The following CHST9 variants were observed in gnomAD, a reference collection of about 807,000 sequenced individuals.
The protein encoded by CHST9 is carbohydrate sulfotransferase 9, also known as GalNAc-4-sulfotransferase 2.
CHST9 carries 41 observed loss-of-function variants against 44.4 expected under a neutral mutation model. The observed-to-expected ratio is 0.92, with a 90% CI of 0.72 to 1.20. The LOEUF (loss-of-function observed/expected upper bound fraction) is 1.20, where lower values mean the gene tolerates loss of function less well. Among genes scored for constraint, CHST9 ranks in the 50% most tolerant of loss-of-function variants. The pLI is 0.00. For missense variants in CHST9, 504 were observed against 516.5 expected (o/e 0.98, Z 0.23); for synonymous variants, 171 against 178.4 (o/e 0.96, Z 0.33).
chr18:27,115,014 G>A lies in CHST9; in HGVS notation c.121+27675C>T, dbSNP rs138730902. On this transcript the variant is annotated intron_variant, in intron 2 of 5. Coordinates refer to ENST00000618847, the MANE Select transcript of CHST9 (RefSeq NM_031422.6). ...CTGTTCTCATGATAGTGAGTCTTAC[G>A]AGATCAGAAGTTTTGTAAGTGCCTG... Among the ~76,000 whole-genome samples, 485 of 152,178 alleles carry A rather than the reference G, an allele frequency of 3.2e-3. 11 individuals carry two copies. Among genetic ancestry groups the A allele is most frequent in the Admixed American group, 0.023 (350 of 15,296 alleles).
At chr18:26,989,480 G>T (rs933607207) in intron 4 of CHST9, among the ~76,000 whole-genome samples, 7 of 152,206 alleles carry the variant, frequency 4.6e-5, no homozygotes, top group African/African-American at 1.7e-4. Context: ...ATTCTTGATG[G>T]TAACATGAAA....
At chr18:27,174,963 G>T (rs2058857461) in intron 1 of CHST9, among the ~76,000 whole-genome samples, 2 of 151,958 alleles carry the variant, frequency 1.3e-5, no homozygotes, top group South Asian at 2.1e-4. Flanking sequence ...AAGCAAGAAG[G>T]CTTTAAATAA....
chr18:26,926,028 T>G (rs894623642), intron 5 of CHST9, among the ~76,000 whole-genome samples: 1 of 152,056 alleles, frequency 6.6e-6, no homozygotes, highest in East Asian at 1.9e-4. Context: ...AAGATAAAAT[T>G]AAGTGGAGGC....
chr18:27,118,976 T>G (rs1343732561), intron 2 of CHST9, among the ~76,000 whole-genome samples: 1 of 152,268 alleles, frequency 6.6e-6, no homozygotes, highest in Non-Finnish European at 1.5e-5. Flanking sequence ...TAGGCATTTA[T>G]GTTGGCACGT....
At chr18:27,019,062 T>C (rs932265196) in intron 4 of CHST9, among the ~76,000 whole-genome samples, 4 of 152,248 alleles carry the variant, frequency 2.6e-5, no homozygotes, top group African/African-American at 7.2e-5. Flanking sequence ...TCTTGACCTA[T>C]GTTTGGGAAC....
intron 2 of CHST9, among the ~76,000 whole-genome samples, chr18:27,114,528 A>G (rs748578377): frequency 2.6e-5 from 4 of 152,244 alleles, no homozygotes; most frequent in Non-Finnish European, 5.9e-5. Flanking sequence ...TTGGGGAATT[A>G]TGCACAGAGT....
intron 1 of CHST9, among the ~76,000 whole-genome samples, chr18:27,183,701 A>T (rs2058931776): frequency 6.6e-6 from 1 of 152,180 alleles, no homozygotes; most frequent in Non-Finnish European, 1.5e-5. Context: ...ATACTGTTTG[A>T]TCGTATGGTG....
At chr18:27,092,956 T>C (rs1473326485) in intron 2 of CHST9, among the ~76,000 whole-genome samples, 1 of 152,238 alleles carries the variant, frequency 6.6e-6, no homozygotes, top group African/African-American at 2.4e-5. Context: ...AGATGTCTAT[T>C]AGGTCCGCTT....
intron 2 of CHST9, among the ~76,000 whole-genome samples, chr18:27,103,218 AC>A (rs1383900894): frequency 6.6e-6 from 1 of 152,188 alleles, no homozygotes; most frequent in East Asian, 1.9e-4. Context: ...ATTCAAGATG[AC>A]ATAACAAGAT....
intron 4 of CHST9, among the ~76,000 whole-genome samples, chr18:26,957,637 C>T (rs2056343337): frequency 6.6e-6 from 1 of 151,212 alleles, no homozygotes; most frequent in African/African-American, 2.4e-5. Flanking sequence ...CAATCATCAT[C>T]GTCATAATAA....
At chr18:27,127,154 C>A (rs1469843907) in intron 2 of CHST9, among the ~76,000 whole-genome samples, 1 of 152,106 alleles carries the variant, frequency 6.6e-6, no homozygotes. Flanking sequence ...AATGGCACTA[C>A]AGAGACTTGC....
rs1047435745 is a variant in CHST9 at position 26,909,065 on chromosome 18, C to G, written c.*7194G>C. On this transcript the variant is annotated 3_prime_UTR_variant, in exon 6 of 6. Transcript: ENST00000618847. The stretch of plus-strand genomic sequence containing the variant: ...TTCCCCATTTCATTCTGAAAGCTTT[C>G]AAAAAGTTTGGGCAGTGCCCAGTGC... 6.6e-6 allele frequency: 1 copy of G among 152,200 alleles called. No individual in the cohort carries two copies. The highest frequency in any genetic ancestry group is 1.5e-5 in the Non-Finnish European group (1 of 68,038). 9.4% of individuals were successfully genotyped at this position (152,200 alleles called of 1,614,324 possible).
At chr18:27,153,604 C>A (rs1387059120) in intron 1 of CHST9, among the ~76,000 whole-genome samples, 1 of 144,032 alleles carries the variant, frequency 6.9e-6, no homozygotes, top group Non-Finnish European at 1.5e-5. Flanking sequence ...TCTCTTCTGT[C>A]CTGTATCTTA....
chr18:26,977,317 A>G (rs2056635205), intron 4 of CHST9, among the ~76,000 whole-genome samples: 1 of 151,906 alleles, frequency 6.6e-6, no homozygotes, highest in Admixed American at 6.6e-5. Flanking sequence ...TGCTGCAGGG[A>G]GTATACATCT....
intron 2 of CHST9, among the ~76,000 whole-genome samples, chr18:27,066,005 C>T (rs774756450): frequency 1.3e-5 from 2 of 151,972 alleles, no homozygotes; most frequent in South Asian, 2.1e-4. Context: ...AGGTGATAAC[C>T]GGAAGAGCTT....
rs900044037 is a variant in CHST9 at position 26,911,825 on chromosome 18, T to C, written c.*4434A>G. On this transcript the variant is annotated 3_prime_UTR_variant, in exon 6 of 6. Coordinates refer to ENST00000618847, the MANE Select transcript of CHST9 (RefSeq NM_031422.6). ...ACAGGCCTGGGAAATGTCTGCCATC[T>C]TCTAGCAAGAGCTTATTTATTTTCA... The C allele has an allele frequency of 6.6e-6, 1 of 150,926 alleles. No homozygotes were observed. Among genetic ancestry groups the C allele is most frequent in the Non-Finnish European group, 1.5e-5 (1 of 67,864 alleles). The allele number at this position is 150,926 out of a possible 1,614,324, so 9.3% of individuals were successfully genotyped here. A position where few individuals can be genotyped will look rare whatever the true frequency, so the allele number is the denominator to read the frequency against.
chr18:27,184,609 A>G (rs1037357198), intron 1 of CHST9, among the ~76,000 whole-genome samples: 2 of 151,876 alleles, frequency 1.3e-5, no homozygotes, highest in African/African-American at 4.8e-5. Flanking sequence ...CCTGAGCCTG[A>G]GCCAGGTCGC....
At chr18:27,162,870 T>C (rs948096453) in intron 1 of CHST9, among the ~76,000 whole-genome samples, 2 of 152,228 alleles carry the variant, frequency 1.3e-5, no homozygotes, top group Non-Finnish European at 2.9e-5. Flanking sequence ...TGTGTTCCTT[T>C]GGAGGAGGAG....
chr18:26,919,177 A>C (rs1214885659), intron 5 of CHST9, among the ~76,000 whole-genome samples: 3 of 152,174 alleles, frequency 2.0e-5, no homozygotes, highest in Non-Finnish European at 4.4e-5. Flanking sequence ...TGGGGATTAT[A>C]GGAGCTACAA....
Sources: allele counts gnomAD v4.1 joint callset (sites outside exome capture counted in the v4.1 genomes callset), GRCh38; gene constraint gnomAD v4.1.1; transcripts MANE v1.5; gene names NCBI Gene and HGNC (gene_info 2026-07-23, HGNC 2026-07-21).